Variants in HPSE2 observed in about 807,000 individuals in gnomAD.
The protein encoded by HPSE2 is inactive heparanase-2.
A neutral mutation model predicts 60.5 loss-of-function variants in HPSE2; 38 were observed. The observed-to-expected ratio is 0.63, with a 90% CI of 0.48 to 0.82. The LOEUF is 0.82. HPSE2 is among the 40% of genes least tolerant of loss of function. The pLI is 0.00. For missense variants in HPSE2, 713 were observed against 740.4 expected, an observed-to-expected ratio of 0.96 and a Z score of 0.43; for synonymous variants, 295 against 293.2, an observed-to-expected ratio of 1.01 and a Z score of -0.06.
At chr10:99,309,292 T>C in the HPSE2 span, among the ~76,000 whole-genome samples, 9 of 152,350 alleles carry the variant, frequency 5.9e-5, no homozygotes, top group East Asian at 1.5e-3. Context: ...AATATACTAA[T>C]AACCAGTGAA....
chr10:99,019,080 C>G (rs1957204875), intron 3 of HPSE2, among the ~76,000 whole-genome samples: 1 of 152,128 alleles, frequency 6.6e-6, no homozygotes, highest in South Asian at 2.1e-4. Context: ...CATTGGCAGC[C>G]CTGCTGGATG....
At position 98,699,636 on chromosome 10, in the gene HPSE2, G is replaced by C. The variant is rs1405981417; in HGVS notation, c.957-5689C>G. ...TATTCAACATAGTGTTGGAAGTTCT[G>C]GCCAGGGCAATTAGGCAGGAGAAGG... On this transcript the variant is annotated intron_variant, in intron 5 of 11. Transcript: ENST00000370552. Among the ~76,000 whole-genome samples the C allele has an allele frequency of 2.4e-4, 29 of 122,224 alleles. No individual in the cohort carries two copies. The South Asian group carries it at 9.7e-3, about 41-fold the overall frequency. 80.2% of individuals were successfully genotyped at this position (122,224 alleles called of 152,430 possible). A position where few individuals can be genotyped will look rare whatever the true frequency, so the allele number is the denominator to read the frequency against.
chr10:98,595,306 A>G (rs1945202947), intron 9 of HPSE2, among the ~76,000 whole-genome samples: 1 of 151,180 alleles, frequency 6.6e-6, no homozygotes, highest in South Asian at 2.1e-4. Flanking sequence ...AGTAGCTGGG[A>G]CTACAGATGC....
intron 3 of HPSE2, among the ~76,000 whole-genome samples, chr10:99,037,477 T>C (rs1287274639): frequency 6.6e-6 from 1 of 152,054 alleles, no homozygotes; most frequent in Non-Finnish European, 1.5e-5. Context: ...TAAAAAAGCA[T>C]TTAGCTATAT....
At chr10:98,511,580 G>A (rs886620674) in intron 9 of HPSE2, among the ~76,000 whole-genome samples, 2 of 150,522 alleles carry the variant, frequency 1.3e-5, no homozygotes, top group African/African-American at 4.9e-5. Context: ...GTGTGTGTGT[G>A]TGTGTGTGTG....
At chr10:98,887,695 C>A (rs191483664) in intron 3 of HPSE2, among the ~76,000 whole-genome samples, 2 of 152,064 alleles carry the variant, frequency 1.3e-5, no homozygotes, top group East Asian at 1.9e-4. Flanking sequence ...ATATTAAAGA[C>A]AAAGGGACAG....
chr10:99,112,875 G>A (rs1844525790), intron 3 of HPSE2, among the ~76,000 whole-genome samples: 1 of 152,150 alleles, frequency 6.6e-6, no homozygotes, highest in East Asian at 1.9e-4. Context: ...GGAAAGTAGT[G>A]TGGCAAGTAT....
chr10:99,255,393 C>A, the HPSE2 span, among the ~76,000 whole-genome samples: 3 of 151,970 alleles, frequency 2.0e-5, no homozygotes, highest in African/African-American at 7.2e-5. Context: ...GCTTTGATAC[C>A]AAAACCAGAA....
intron 3 of HPSE2, among the ~76,000 whole-genome samples, chr10:98,936,415 G>C (rs1405385024): frequency 1.4e-5 from 2 of 143,332 alleles, no homozygotes; most frequent in Non-Finnish European, 3.0e-5. Context: ...GAGACCCAGG[G>C]GCCTGGTGGT....
At chr10:99,013,793 C>T (rs2135407393) in intron 3 of HPSE2, 2 of 291,886 alleles carry the variant, frequency 6.9e-6, no homozygotes, top group East Asian at 2.0e-4. Flanking sequence ...ATCACTATCT[C>T]TTTTACATTA....
chr10:98,836,374 A>C (rs1951790490), intron 3 of HPSE2, among the ~76,000 whole-genome samples: 1 of 152,246 alleles, frequency 6.6e-6, no homozygotes, highest in African/African-American at 2.4e-5. Context: ...CAGACCCTTC[A>C]AATACCCCAT....
chr10:98,502,509 G>A (rs1431055407), intron 9 of HPSE2, among the ~76,000 whole-genome samples: 1 of 152,198 alleles, frequency 6.6e-6, no homozygotes, highest in Non-Finnish European at 1.5e-5. Flanking sequence ...GTAGGAGAAT[G>A]AAACTGGATC....
rs60724007 is a variant in HPSE2 at position 98,871,136 on chromosome 10, T to C, written c.611-127080A>G. On this transcript the variant is annotated intron_variant, in intron 3 of 11. Transcript: ENST00000370552. The stretch of plus-strand genomic sequence containing the variant: ...CCAATAAAACTCTTTCCTTTGTAAA[T>C]TACCCAGTCTCGAGTATTCCTTTAT... Among the ~76,000 whole-genome samples, 598 of 152,138 alleles carry C rather than the reference T, an allele frequency of 3.9e-3. 9 individuals carry two copies. The highest frequency in any genetic ancestry group is 0.014 in the African/African-American group (577 of 41,508).
chr10:99,135,967 A>T (rs141181842), intron 3 of HPSE2, among the ~76,000 whole-genome samples: 2,428 of 152,158 alleles, frequency 0.016, 43 homozygotes, highest in Non-Finnish European at 0.02. Flanking sequence ...TTTTGAAAAC[A>T]TCAACAAAAT....
intron 3 of HPSE2, among the ~76,000 whole-genome samples, chr10:99,068,519 A>T (rs1203985506): frequency 6.6e-6 from 1 of 152,164 alleles, no homozygotes; most frequent in Non-Finnish European, 1.5e-5. Context: ...CTACCATGAG[A>T]ACAGTGTGGA....
intron 3 of HPSE2, among the ~76,000 whole-genome samples, chr10:99,082,448 G>A (rs1465368529): frequency 6.6e-6 from 1 of 152,100 alleles, no homozygotes; most frequent in East Asian, 1.9e-4. Context: ...TCTGAACGTT[G>A]GACAATCTGT....
chr10:99,144,275 C>T lies in HPSE2; in HGVS notation c.573G>A (p.Glu191=), dbSNP rs148098032. The change falls in exon 3 of 12, where the codon GAG becomes GAA. Residue 191 remains glutamate, a synonymous_variant. Coordinates refer to ENST00000370552, the MANE Select transcript of HPSE2 (RefSeq NM_021828.5). Reference sequence around the variant, plus strand: ...GATTACTGTAAGTATTGGAGAATTGCTCCTTTAGAAGAACCAGATGCATCT... The same window carrying T: ...GATTACTGTAAGTATTGGAGAATTGTTCCTTTAGAAGAACCAGATGCATCT... ...AAQMHLVLLK[E]QFSNTYSNLI... The T allele has an allele frequency of 3.8e-4, 616 of 1,614,070 alleles. 6 individuals are homozygous for T. Among genetic ancestry groups the T allele is most frequent in the Middle Eastern group, 2.1e-3 (13 of 6,058 alleles).
chr10:99,166,873 T>G lies in HPSE2; in HGVS notation c.449-22474A>C, dbSNP rs556647790. Among the ~76,000 whole-genome samples, 6 of 152,072 alleles carry G rather than the reference T, an allele frequency of 3.9e-5. No individual in the cohort carries two copies. The South Asian group carries it at 1.2e-3, about 32-fold the overall frequency. ...AAGAAAAAAAAAAAAAAATCACTCC[T>G]AGTCTGTGGCTTCACTTTTTCATTA... is the stretch of plus-strand genomic sequence containing the variant. On this transcript the variant is annotated intron_variant, in intron 2 of 11. Coordinates refer to ENST00000370552, the MANE Select transcript of HPSE2 (RefSeq NM_021828.5).
At chr10:98,651,550 C>T (rs991545825) in intron 6 of HPSE2, among the ~76,000 whole-genome samples, 5 of 152,034 alleles carry the variant, frequency 3.3e-5, no homozygotes, top group Admixed American at 6.5e-5. Flanking sequence ...TTTTAAGAAA[C>T]GGTACCCTAA....
Sources: gnomAD v4.1 joint callset for allele counts (sites outside exome capture counted in the v4.1 genomes callset) on GRCh38, gnomAD v4.1.1 for gene constraint, MANE v1.5 for transcripts, NCBI Gene and HGNC (gene_info 2026-07-23, HGNC 2026-07-21) for gene names.